The following HSD3B2 variants were observed in gnomAD, a reference collection of about 807,000 sequenced individuals.
HSD3B2 encodes the protein hydroxy-delta-5-steroid dehydrogenase, 3 beta- and steroid delta-isomerase 2.
HSD3B2 carries 8 observed loss-of-function variants against 9.9 expected under a neutral mutation model. The observed-to-expected ratio is 0.81, with a 90% CI of 0.47 to 1.46. HSD3B2 has a LOEUF of 1.46. Ranked by LOEUF, HSD3B2 falls within the 40% of genes most tolerant of loss-of-function variation. The pLI is 0.00. For missense variants in HSD3B2, 410 were observed against 448.3 expected (o/e 0.91, Z 0.77); for synonymous variants, 221 against 184.5 (o/e 1.20, Z -1.60).
chr1:119,421,032 A>T (rs1206262730), intron 3 of HSD3B2, among the ~76,000 whole-genome samples: 1 of 152,108 alleles, frequency 6.6e-6, no homozygotes, highest in Admixed American at 6.5e-5. Flanking sequence ...ATCTCCCCAC[A>T]ACCCACTGTT....
At position 119,422,105 on chromosome 1, in the gene HSD3B2, A is replaced by T; in HGVS notation, c.604A>T (p.Asn202Tyr). ...AGGCCCATTCCTTTCTGCCAGTATA[A>T]ATGAGGCCCTGAACAACAATGGGAT... ...EGGPFLSASI[N>Y]EALNNNGILS... Residue 202 changes from asparagine to tyrosine, a missense_variant, in exon 4 of 4, where the codon AAT becomes TAT. By Grantham distance (143) the Asn-to-Tyr change is moderately radical (BLOSUM62 -2). Coordinates refer to ENST00000369416, the MANE Select transcript of HSD3B2 (RefSeq NM_000198.4). 6.2e-7 allele frequency: 1 copy of T among 1,614,060 alleles called. No homozygotes were observed. The highest frequency in any genetic ancestry group is 8.5e-7 in the Non-Finnish European group (1 of 1,179,978).
chr1:119,420,934 T>C (rs587731442), intron 3 of HSD3B2, among the ~76,000 whole-genome samples: 1 of 152,258 alleles, frequency 6.6e-6, no homozygotes, highest in East Asian at 1.9e-4. Flanking sequence ...ACCCCCACTT[T>C]ATATAACTGG....
rs80358219 is a variant in HSD3B2 at position 119,421,925 on chromosome 1, G to A, written c.424G>A (p.Glu142Lys). 23 of 1,613,912 alleles carry A rather than the reference G, an allele frequency of 1.4e-5. No homozygotes were observed. Among genetic ancestry groups the A allele is most frequent in the South Asian group, 3.3e-5 (3 of 91,080 alleles). Residue 142 changes from glutamate to lysine, a missense_variant, in exon 4 of 4, where the codon GAA becomes AAA. Transcript: ENST00000369416. ...SYKEIIQNGH[E>K]EEPLENTWPT... is the part of the protein sequence containing the mutation. ...CAAGGAAATCATCCAGAACGGCCACGAAGAAGAGCCTCTGGAAAACACATG... is the reference window on the plus strand; with the variant it reads ...CAAGGAAATCATCCAGAACGGCCACAAAGAAGAGCCTCTGGAAAACACATG...
intron 3 of HSD3B2, chr1:119,419,886 G>A (rs1363136915): frequency 7.9e-6 from 3 of 380,326 alleles, no homozygotes; most frequent in Non-Finnish European, 1.5e-5. Context: ...TTCTACTGTG[G>A]CCCCAATCAA....
Position 119,415,580 on chromosome 1 carries a change from T to C in HSD3B2, c.142+19T>C, listed in dbSNP as rs781043703. 4 of 1,613,028 alleles carry C rather than the reference T, an allele frequency of 2.5e-6. No individual in the cohort carries two copies. Among genetic ancestry groups the C allele is most frequent in the South Asian group, 1.1e-5 (1 of 91,032 alleles). On this transcript the variant is annotated intron_variant, in intron 2 of 3. Transcript: ENST00000369416. The stretch of plus-strand genomic sequence containing the variant: ...TTTTCTAGTAAGTAAACTTGAGTCA[T>C]GGGTCTGTGGCTCCATCTTAAACTC...
In HSD3B2 at chr1:119,422,928, C is replaced by T; in HGVS notation, c.*308C>T. On this transcript the variant is annotated 3_prime_UTR_variant, in exon 4 of 4. Transcript: ENST00000369416. ...TGAGGTTCTCTTTTGACTAATAGAG[C>T]TCCATTTCCCCTCTTAAATGAGAAA... 4.0e-6 allele frequency: 2 copies of T among 495,492 alleles called. No individual in the cohort carries two copies. The highest frequency in any genetic ancestry group is 4.7e-5 in the South Asian group (2 of 42,974). The allele number at this position is 495,492 out of a possible 1,614,324, so 30.7% of individuals were successfully genotyped here. A position where few individuals can be genotyped will look rare whatever the true frequency, so the allele number is the denominator to read the frequency against.
chr1:119,418,733 C>A (rs587660769), intron 2 of HSD3B2, among the ~76,000 whole-genome samples: 1 of 151,800 alleles, frequency 6.6e-6, no homozygotes, highest in South Asian at 2.1e-4. Flanking sequence ...TTCACTGCAA[C>A]CTCCACCTCC....
At chr1:119,420,081 G>T (rs1651819811) in intron 3 of HSD3B2, among the ~76,000 whole-genome samples, 2 of 152,108 alleles carry the variant, frequency 1.3e-5, no homozygotes, top group African/African-American at 4.8e-5. Context: ...AGCAAAGCTG[G>T]TTCACAGAGG....
At chr1:119,415,983 A>G (rs587626689) in intron 2 of HSD3B2, among the ~76,000 whole-genome samples, 1 of 152,294 alleles carries the variant, frequency 6.6e-6, no homozygotes, top group South Asian at 2.1e-4. Flanking sequence ...ATTTCATTTT[A>G]TAGCTTCCTT....
In HSD3B2 at chr1:119,422,732, T is replaced by A. The variant is rs1378334270; in HGVS notation, c.*112T>A. The A allele has an allele frequency of 7.9e-7, 1 of 1,269,000 alleles. No homozygotes were observed. Among genetic ancestry groups the A allele is most frequent in the Non-Finnish European group, 1.1e-6 (1 of 890,612 alleles). 78.6% of individuals were successfully genotyped at this position (1,269,000 alleles called of 1,614,324 possible). On this transcript the variant is annotated 3_prime_UTR_variant, in exon 4 of 4. Transcript: ENST00000369416. ...GGGCACAAGCCCAGGTCCTGCTGCC[T>A]CTCTTTCACACAATGCCCAACTTAC...
At chr1:119,418,236 C>G (rs1651761759) in intron 2 of HSD3B2, among the ~76,000 whole-genome samples, 1 of 152,146 alleles carries the variant, frequency 6.6e-6, no homozygotes, top group Non-Finnish European at 1.5e-5. Flanking sequence ...TTGCTATCTG[C>G]TTTTTATGAT....
chr1:119,423,000 T>A lies in HSD3B2; in HGVS notation c.*380T>A, dbSNP rs1326808421. The A allele has an allele frequency of 1.1e-5, 4 of 348,524 alleles. No individual in the cohort carries two copies. The highest frequency in any genetic ancestry group is 2.1e-5 in the Non-Finnish European group (4 of 188,502). The allele number at this position is 348,524 out of a possible 1,614,324, so 21.6% of individuals were successfully genotyped here. ...TCCTATTCCTTCACACAGTTCAACA[T>A]AAAGAGCAATAAATGTTTTAATGCT... On this transcript the variant is annotated 3_prime_UTR_variant, in exon 4 of 4. Coordinates refer to ENST00000369416, the MANE Select transcript of HSD3B2 (RefSeq NM_000198.4).
Position 119,422,702 on chromosome 1 carries a change from A to C in HSD3B2, c.*82A>C. ...ACCCACCTGGCTTCATACAGAAGGCAACAGGGGCACAAGCCCAGGTCCTGC... is the reference window on the plus strand; with the variant it reads ...ACCCACCTGGCTTCATACAGAAGGCCACAGGGGCACAAGCCCAGGTCCTGC... On this transcript the variant is annotated 3_prime_UTR_variant, in exon 4 of 4. Coordinates refer to ENST00000369416, the MANE Select transcript of HSD3B2 (RefSeq NM_000198.4). The C allele has an allele frequency of 1.3e-6, 2 of 1,529,138 alleles. No homozygotes were observed. Among genetic ancestry groups the C allele is most frequent in the Non-Finnish European group, 1.8e-6 (2 of 1,116,518 alleles). 94.7% of individuals were successfully genotyped at this position (1,529,138 alleles called of 1,614,324 possible).
chr1:119,420,114 G>A (rs931979970), intron 3 of HSD3B2, among the ~76,000 whole-genome samples: 1 of 152,164 alleles, frequency 6.6e-6, no homozygotes, highest in African/African-American at 2.4e-5. Context: ...GAATTATCCA[G>A]CACATGCCTT....
intron 2 of HSD3B2, among the ~76,000 whole-genome samples, chr1:119,418,004 G>T (rs1457313421): frequency 6.6e-6 from 1 of 152,134 alleles, no homozygotes; most frequent in Non-Finnish European, 1.5e-5. Flanking sequence ...GCTGTGAGCC[G>T]TATGCAGATT....
At chr1:119,420,963 GA>G (rs1307075843) in intron 3 of HSD3B2, among the ~76,000 whole-genome samples, 1 of 152,208 alleles carries the variant, frequency 6.6e-6, no homozygotes, top group Non-Finnish European at 1.5e-5. Context: ...GTCATAGCCA[GA>G]ATTGGAAGCA....
At chr1:119,420,729 C>T (rs1415455044) in intron 3 of HSD3B2, among the ~76,000 whole-genome samples, 1 of 152,110 alleles carries the variant, frequency 6.6e-6, no homozygotes, top group Non-Finnish European at 1.5e-5. Context: ...AAAAATGATC[C>T]TTTGCCTAGG....
rs748675518 is a variant in HSD3B2, at chr1:119,415,374, C to T, written c.-46C>T. 1 of 1,609,148 alleles carries T rather than the reference C, an allele frequency of 6.2e-7. No homozygotes were observed. The highest frequency in any genetic ancestry group is 8.5e-7 in the Non-Finnish European group (1 of 1,176,312). On this transcript the variant is annotated 5_prime_UTR_variant, in exon 2 of 4. Coordinates refer to ENST00000369416, the MANE Select transcript of HSD3B2 (RefSeq NM_000198.4). ...TAGAATCAGATCTGCTCTCCAGCAT[C>T]TTCTGTTTCCTGGCAAGTGTTTCCT...
rs35486059 is a variant in HSD3B2, at chr1:119,422,001, C to T, written c.500C>T (p.Ala167Val). 1,968 of 1,614,062 alleles carry T rather than the reference C, an allele frequency of 1.2e-3. 6 individuals carry two copies. The highest frequency in any genetic ancestry group is 4.0e-3 in the South Asian group (368 of 91,076). Residue 167 changes from alanine (A) to valine (V), a missense_variant, in exon 4 of 4, where the codon GCG (alanine) becomes GTG (valine). By Grantham distance (64) the Ala-to-Val change is moderately conservative (BLOSUM62 0). Coordinates refer to ENST00000369416, the MANE Select transcript of HSD3B2 (RefSeq NM_000198.4). ...SKKLAEKAVLAANGWNLKNGD... is the reference protein window; with the variant it reads ...SKKLAEKAVLVANGWNLKNGD... Reference sequence around the variant, plus strand: ...AAGCTTGCTGAGAAGGCTGTGCTGGCGGCTAATGGGTGGAATCTAAAAAAT... The same window carrying T: ...AAGCTTGCTGAGAAGGCTGTGCTGGTGGCTAATGGGTGGAATCTAAAAAAT...
Sources: allele counts gnomAD v4.1 joint callset (sites outside exome capture counted in the v4.1 genomes callset), GRCh38; gene constraint gnomAD v4.1.1; transcripts MANE v1.5; gene names NCBI Gene and HGNC (gene_info 2026-07-23, HGNC 2026-07-21).